The following CDH18 variants were observed in gnomAD, a reference collection of about 807,000 sequenced individuals.
CDH18 encodes cadherin-18.
Under a neutral mutation model 67.9 loss-of-function variants are expected in CDH18, and 31 were observed. That is an observed-to-expected ratio of 0.46 (90% CI 0.34 to 0.62). The LOEUF is 0.62. Ranked by LOEUF, CDH18 falls within the 20% of genes least tolerant of loss-of-function variation. The probability of loss-of-function intolerance (pLI) is 0.01; values close to 1 mark genes in which losing one functional copy is unlikely to be tolerated. For synonymous variants in CDH18, 362 were observed against 347.2 expected (o/e 1.04, Z -0.48); for missense variants, 890 against 975.5 (o/e 0.91, Z 1.17).
At chr5:20,178,864 T>C (rs935272681) in intron 2 of CDH18, among the ~76,000 whole-genome samples, 8 of 152,122 alleles carry the variant, frequency 5.3e-5, no homozygotes, top group African/African-American at 1.7e-4. Flanking sequence ...TTTCTACTTG[T>C]ATTTTCAGGC....
chr5:19,861,697 G>A (rs1356794304), intron 2 of CDH18, among the ~76,000 whole-genome samples: 1 of 152,058 alleles, frequency 6.6e-6, no homozygotes, highest in Non-Finnish European at 1.5e-5. Context: ...AATCCAATAT[G>A]GGGAGTGAAA....
At chr5:20,537,313 A>G (rs1345851897) in intron 1 of CDH18, among the ~76,000 whole-genome samples, 2 of 152,196 alleles carry the variant, frequency 1.3e-5, no homozygotes, top group African/African-American at 4.8e-5. Flanking sequence ...TGTGATTACA[A>G]TAAAATAATG....
chr5:20,170,675 G>A (rs919920998), intron 2 of CDH18, among the ~76,000 whole-genome samples: 3 of 151,934 alleles, frequency 2.0e-5, no homozygotes, highest in Admixed American at 6.6e-5. Context: ...CTCTACATAG[G>A]AGAACAAAAT....
chr5:20,008,791 ATAAG>A (rs897734244), intron 2 of CDH18, among the ~76,000 whole-genome samples: 4 of 152,166 alleles, frequency 2.6e-5, no homozygotes, highest in Non-Finnish European at 4.4e-5. Flanking sequence ...TAATTTTATT[ATAAG>A]TAGCCAATAT....
intron 2 of CDH18, among the ~76,000 whole-genome samples, chr5:20,123,147 C>A (rs1748508041): frequency 6.6e-6 from 1 of 151,522 alleles, no homozygotes; most frequent in Non-Finnish European, 1.5e-5. Context: ...TATATGGGGA[C>A]TCCAGCCTAC....
chr5:20,348,703 A>G (rs1740908456), intron 1 of CDH18, among the ~76,000 whole-genome samples: 1 of 152,194 alleles, frequency 6.6e-6, no homozygotes, highest in Admixed American at 6.5e-5. Context: ...AAGTGAAGAG[A>G]GTGCATTCCT....
intron 1 of CDH18, among the ~76,000 whole-genome samples, chr5:20,403,233 C>T (rs979402103): frequency 2.6e-5 from 4 of 152,102 alleles, no homozygotes; most frequent in African/African-American, 9.7e-5. Flanking sequence ...TGTCCAGCTC[C>T]ATCAGAGGAA....
In CDH18 at chr5:19,866,717, C is replaced by T. The variant is rs530868941; in HGVS notation, c.-256-27475G>A. ...CACAATGATTAATATCTCCTCTTTC[C>T]GCTCTTGAAAGTAACTGGGTTTGGG... On this transcript the variant is annotated intron_variant, in intron 2 of 12. Coordinates refer to ENST00000382275, the MANE Select transcript of CDH18 (RefSeq NM_004934.5). Among the ~76,000 whole-genome samples, 153 of 152,226 alleles carry T rather than the reference C, an allele frequency of 1.0e-3. 2 individuals carry two copies. The South Asian group carries it at 0.029, about 29-fold the overall frequency.
At chr5:20,436,142 C>G (rs1749150564) in intron 1 of CDH18, among the ~76,000 whole-genome samples, 1 of 151,934 alleles carries the variant, frequency 6.6e-6, no homozygotes, top group Non-Finnish European at 1.5e-5. Context: ...ATATAGTAAG[C>G]ATAAATATGT....
At chr5:20,199,680 A>G (rs899016800) in intron 2 of CDH18, among the ~76,000 whole-genome samples, 3 of 152,106 alleles carry the variant, frequency 2.0e-5, no homozygotes, top group Admixed American at 2.0e-4. Context: ...CAGAGGCAAA[A>G]TGATGTGGTT....
intron 2 of CDH18, among the ~76,000 whole-genome samples, chr5:20,161,699 T>C (rs1735904719): frequency 1.3e-5 from 2 of 152,216 alleles, no homozygotes; most frequent in Admixed American, 1.3e-4. Flanking sequence ...CTCATTTATG[T>C]TGTCTTATTT....
chr5:20,495,704 A>C (rs1753864877), intron 1 of CDH18, among the ~76,000 whole-genome samples: 1 of 152,202 alleles, frequency 6.6e-6, no homozygotes, highest in Admixed American at 6.6e-5. Context: ...TACTGTTGGC[A>C]TAATCTCTGT....
chr5:19,805,785 C>T (rs1336485394), intron 3 of CDH18, among the ~76,000 whole-genome samples: 1 of 151,852 alleles, frequency 6.6e-6, no homozygotes, highest in African/African-American at 2.4e-5. Flanking sequence ...AATCTATTTC[C>T]TTCTCTCAAT....
rs181019903 is a variant in CDH18, at chr5:19,675,074, G to A, written c.643+46273C>T. 1.4e-3 allele frequency among the ~76,000 whole-genome samples: 207 copies of A among 152,090 alleles called. 1 individual carries two copies. Among genetic ancestry groups the A allele is most frequent in the African/African-American group, 4.6e-3 (189 of 41,496 alleles). On this transcript the variant is annotated intron_variant, in intron 5 of 12. Coordinates refer to ENST00000382275, the MANE Select transcript of CDH18 (RefSeq NM_004934.5). Reference sequence around the variant, plus strand: ...GAGACATCACATGTCGGCAGGTTCCGTGACGCCCCTGAGCCGTAAAACCAG... The same window carrying A: ...GAGACATCACATGTCGGCAGGTTCCATGACGCCCCTGAGCCGTAAAACCAG...
intron 2 of CDH18, among the ~76,000 whole-genome samples, chr5:19,975,378 GA>G (rs1285775620): frequency 6.6e-6 from 1 of 151,954 alleles, no homozygotes; most frequent in Admixed American, 6.6e-5. Flanking sequence ...AATATGTTGG[GA>G]AAAAATTGAG....
chr5:20,255,725 G>C (rs536604204), intron 1 of CDH18, among the ~76,000 whole-genome samples: 5 of 151,574 alleles, frequency 3.3e-5, no homozygotes, highest in Non-Finnish European at 7.4e-5. Context: ...TTTTAGCTCC[G>C]TCACGTGTTA....
At chr5:19,774,185 C>T (rs987436972) in intron 3 of CDH18, among the ~76,000 whole-genome samples, 5 of 151,972 alleles carry the variant, frequency 3.3e-5, no homozygotes, top group African/African-American at 1.2e-4. Flanking sequence ...AATTTTGGAG[C>T]CTGGGCAGAA....
chr5:19,674,503 T>A (rs924771710), intron 5 of CDH18, among the ~76,000 whole-genome samples: 2 of 152,118 alleles, frequency 1.3e-5, no homozygotes, highest in Non-Finnish European at 2.9e-5. Flanking sequence ...TACCTGCTTG[T>A]CTTAATATTA....
intron 3 of CDH18, among the ~76,000 whole-genome samples, chr5:19,833,976 A>AT (rs1328385219): frequency 3.3e-5 from 5 of 151,254 alleles, no homozygotes; most frequent in Non-Finnish European, 7.4e-5. Context: ...CGGCCTGAAG[A>AT]TTTTTTTGTT....
Sources: gnomAD v4.1 joint callset for allele counts (sites outside exome capture counted in the v4.1 genomes callset) on GRCh38, gnomAD v4.1.1 for gene constraint, MANE v1.5 for transcripts, NCBI Gene and HGNC (gene_info 2026-07-23, HGNC 2026-07-21) for gene names.